RAB3GAP1: variants seen among roughly 807,000 people sequenced by gnomAD.
RAB3GAP1 encodes the protein RAB3 GTPase activating protein catalytic subunit 1.
In RAB3GAP1, 86 loss-of-function variants were observed where a neutral mutation model predicts 130.7. That is an observed-to-expected ratio of 0.66 (90% CI 0.55 to 0.79). The LOEUF is 0.79. Ranked by LOEUF, RAB3GAP1 falls within the 30% of genes least tolerant of loss-of-function variation. The pLI, the probability that RAB3GAP1 is intolerant of heterozygous loss-of-function variation, is 0.00. For synonymous variants in RAB3GAP1, 367 were observed against 401.7 expected, an observed-to-expected ratio of 0.91 and a Z score of 1.03; for missense variants, 1,029 against 1,169.4, an observed-to-expected ratio of 0.88 and a Z score of 1.75.
chr2:135,115,343 C>A lies in RAB3GAP1; in HGVS notation c.610C>A (p.His204Asn), dbSNP rs149466854. ...TAGAAAAGTGCCAAATCAGTACACT[C>A]ACTTATCAGGTCTGCTGGATATCTT... ...HLRKVPNQYTHLSGLLDIFKS... is the reference protein window; with the variant it reads ...HLRKVPNQYTNLSGLLDIFKS... The change falls in exon 7 of 24, where the codon CAC becomes AAC. Residue 204 changes from histidine to asparagine, a missense_variant. His to Asn is a moderately conservative substitution (Grantham distance 68). Around this residue, in one of 3 missense-constraint regions of RAB3GAP1, gnomAD observed 510 missense variants for 532.1 expected, o/e 0.96. Coordinates refer to ENST00000264158, the MANE Select transcript of RAB3GAP1 (RefSeq NM_012233.3). 1.2e-6 allele frequency: 2 copies of A among 1,613,716 alleles called. No individual in the cohort carries two copies. Among genetic ancestry groups the A allele is most frequent in the African/African-American group, 1.3e-5 (1 of 75,026 alleles).
At chr2:135,117,462 G>GCTTCTGCTTCTGCTT (rs1691012655) in intron 7 of RAB3GAP1, among the ~76,000 whole-genome samples, 1 of 41,790 alleles carries the variant, frequency 2.4e-5, no homozygotes, top group African/African-American at 5.6e-5. Flanking sequence ...TTCTGCTTCT[G>GCTTCTGCTTCTGCTT]CTTCTGCTTC....
At chr2:135,121,007 C>A in intron 8 of RAB3GAP1, 89 bp downstream of exon 8, 1 of 970,772 alleles carries the variant, frequency 1.0e-6, no homozygotes, top group Non-Finnish European at 1.7e-6. Context: ...ACAAGAGTTT[C>A]AAGTGTTTTA....
chr2:135,083,770 T>TG (rs1419799949), intron 3 of RAB3GAP1, among the ~76,000 whole-genome samples: 3 of 145,854 alleles, frequency 2.1e-5, no homozygotes, highest in Admixed American at 1.4e-4. Context: ...CAACACGGTT[T>TG]TTTTTTTTTT....
intron 19 of RAB3GAP1, among the ~76,000 whole-genome samples, chr2:135,159,212 GAGGTGA>G (rs1430375306): frequency 6.6e-6 from 1 of 152,184 alleles, no homozygotes; most frequent in Non-Finnish European, 1.5e-5. Flanking sequence ...CACCCTCAAG[GAGGTGA>G]AGCTAATTCC....
chr2:135,115,412 C>G, intron 7 of RAB3GAP1, 31 bp downstream of exon 7: 1 of 1,579,840 alleles, frequency 6.3e-7, no homozygotes, highest in South Asian at 1.1e-5. Flanking sequence ...TCAGTCTTAT[C>G]TGAGATCCAG....
At chr2:135,170,935 G>C (rs1157798485), downstream of RAB3GAP1, among the ~76,000 whole-genome samples, 1 of 151,928 alleles carries the variant, frequency 6.6e-6, no homozygotes, top group Non-Finnish European at 1.5e-5. Context: ...ATCTGGTCTC[G>C]GCCATGTCTT....
intron 3 of RAB3GAP1, among the ~76,000 whole-genome samples, chr2:135,072,251 G>C (rs1263730222): frequency 6.6e-6 from 1 of 152,192 alleles, no homozygotes; most frequent in African/African-American, 2.4e-5. Context: ...TATCGGAGAG[G>C]GGGAGCATGT....
At chr2:135,133,199 A>G (rs1691594294) in intron 14 of RAB3GAP1, among the ~76,000 whole-genome samples, 1 of 152,190 alleles carries the variant, frequency 6.6e-6, no homozygotes, top group Non-Finnish European at 1.5e-5. Flanking sequence ...AAATAGCACA[A>G]ATATACTCTA....
At chr2:135,133,117 C>T (rs1558792350) in intron 14 of RAB3GAP1, 133 bp downstream of exon 14, 4 of 658,108 alleles carry the variant, frequency 6.1e-6, no homozygotes, top group East Asian at 2.8e-5. Context: ...GATGGCAGAT[C>T]GTGGTTTCCA....
chr2:135,160,754 C>A (rs1243487259), intron 19 of RAB3GAP1, among the ~76,000 whole-genome samples: 2 of 143,712 alleles, frequency 1.4e-5, no homozygotes, highest in Non-Finnish European at 3.0e-5. Flanking sequence ...GGTTAGATTA[C>A]AATTATTTTT....
chr2:135,081,325 A>C (rs867516273), intron 3 of RAB3GAP1, among the ~76,000 whole-genome samples: 1 of 78,020 alleles, frequency 1.3e-5, no homozygotes, highest in African/African-American at 8.7e-5. Context: ...AAAAAAAAAA[A>C]AAATATATAT....
In RAB3GAP1 at chr2:135,120,834, C is replaced by T; in HGVS notation, c.664C>T (p.Pro222Ser). The T allele has an allele frequency of 6.2e-7, 1 of 1,610,022 alleles. No individual in the cohort carries two copies. Among genetic ancestry groups the T allele is most frequent in the Middle Eastern group, 1.7e-4 (1 of 6,050 alleles). Residue 222 changes from proline (P) to serine (S), a missense_variant, in exon 8 of 24, where the codon CCA (proline) becomes TCA (serine). Pro to Ser is a moderately conservative substitution (Grantham distance 74, BLOSUM62 -1). Around this residue, in one of 3 missense-constraint regions of RAB3GAP1, gnomAD observed 510 missense variants for 532.1 expected, o/e 0.96. Transcript: ENST00000264158. ...TATTTCCTAGGGATGTCCTTTAACT[C>T]CATTGCCTCCAGTTAGTATTGCTAT... Reference protein sequence around the residue: ...FKSKIGCPLTPLPPVSIAIRF... With the variant: ...FKSKIGCPLTSLPPVSIAIRF...
At chr2:135,133,097 G>A in intron 14 of RAB3GAP1, 113 bp downstream of exon 14, 2 of 726,856 alleles carry the variant, frequency 2.8e-6, no homozygotes, top group South Asian at 3.2e-5. Context: ...AAATCACCTT[G>A]GGAATTTTGG....
chr2:135,087,957 G>A (rs1690033399), intron 3 of RAB3GAP1, among the ~76,000 whole-genome samples: 1 of 152,152 alleles, frequency 6.6e-6, no homozygotes, highest in Non-Finnish European at 1.5e-5. Context: ...TGCCTTACTG[G>A]AACTTGGTAT....
At chr2:135,129,859 C>A in intron 11 of RAB3GAP1, 136 bp from the exon 12 acceptor site, 2 of 661,470 alleles carry the variant, frequency 3.0e-6, no homozygotes, top group Non-Finnish European at 5.3e-6. Context: ...TTGTTTTTTT[C>A]AATGGAAAAA....
intron 19 of RAB3GAP1, among the ~76,000 whole-genome samples, chr2:135,161,797 T>G (rs1692473721): frequency 6.6e-6 from 1 of 152,220 alleles, no homozygotes; most frequent in Non-Finnish European, 1.5e-5. Context: ...TGTGTTTAAA[T>G]GGACATACAA....
chr2:135,052,502 T>C lies in RAB3GAP1; in HGVS notation c.74+17T>C. On this transcript the variant is annotated intron_variant, in intron 2 of 23. Transcript: ENST00000264158. Reference sequence around the variant, plus strand: ...ATGGGAAAGGTGAGTGAATCGCATTTTTGGTTACCAGCTCCCATGGGCCCT... The same window carrying C: ...ATGGGAAAGGTGAGTGAATCGCATTCTTGGTTACCAGCTCCCATGGGCCCT... 2 of 1,613,090 alleles carry C rather than the reference T, an allele frequency of 1.2e-6. No individual in the cohort carries two copies. The highest frequency in any genetic ancestry group is 1.7e-6 in the Non-Finnish European group (2 of 1,180,028).
rs1402053092 is a variant in RAB3GAP1 at position 135,052,434 on chromosome 2, A to C, written c.23A>C (p.Glu8Ala). 1.9e-6 allele frequency: 3 copies of C among 1,613,946 alleles called. No individual in the cohort carries two copies. The highest frequency in any genetic ancestry group is 1.7e-6 in the Non-Finnish European group (2 of 1,180,032). Residue 8 changes from glutamate to alanine, a missense_variant, in exon 2 of 24, where the codon GAA becomes GCA. By Grantham distance (107) the Glu-to-Ala change is moderately radical. Coordinates refer to ENST00000264158, the MANE Select transcript of RAB3GAP1 (RefSeq NM_012233.3). MAADSEP[E>A]SEVFEITDFT... is the part of the protein sequence containing the mutation. ...CTCTCCTTCCCCTTCCCGCAGCCCG[A>C]ATCCGAGGTATTTGAGATCACGGAC...
At chr2:135,085,805 C>T (rs954069415) in intron 3 of RAB3GAP1, among the ~76,000 whole-genome samples, 2 of 152,068 alleles carry the variant, frequency 1.3e-5, no homozygotes, top group South Asian at 2.1e-4. Context: ...ATGATTTATA[C>T]ACAGCGAAGT....
Sources: allele counts gnomAD v4.1 joint callset (sites outside exome capture counted in the v4.1 genomes callset), GRCh38; gene constraint gnomAD v4.1.1; regional missense constraint gnomAD v4.1.1; transcripts MANE v1.5; gene names NCBI Gene and HGNC (gene_info 2026-07-23, HGNC 2026-07-21).